Variants in MYO5A observed in about 807,000 individuals in gnomAD.
MYO5A encodes the protein myosin VA, also known as unconventional myosin-Va.
MYO5A carries 98 observed loss-of-function variants against 249.7 expected under a neutral mutation model. That is an observed-to-expected ratio of 0.39 (90% CI 0.33 to 0.46). MYO5A has a LOEUF of 0.46. MYO5A is among the 20% of genes least tolerant of loss of function. The pLI, the probability that MYO5A is intolerant of heterozygous loss-of-function variation, is 0.98. For missense variants in MYO5A, 1,696 were observed against 2,308.8 expected, an observed-to-expected ratio of 0.73 and a Z score of 5.44; for synonymous variants, 778 against 810.6, an observed-to-expected ratio of 0.96 and a Z score of 0.68.
At chr15:52,433,379 A>T in intron 1 of MYO5A, 94 bp from the exon 2 acceptor site, 1 of 661,570 alleles carries the variant, frequency 1.5e-6, no homozygotes, top group Non-Finnish European at 2.6e-6. Context: ...TAAACAATTT[A>T]TGAAAAAAGA....
At chr15:52,380,262 C>T (rs2041663594) in intron 16 of MYO5A, among the ~76,000 whole-genome samples, 1 of 152,118 alleles carries the variant, frequency 6.6e-6, no homozygotes, top group East Asian at 1.9e-4. Flanking sequence ...ATGGTGAAAC[C>T]CCGTCTCTAC....
At position 52,401,141 on chromosome 15, in the gene MYO5A, G is replaced by C. The variant is rs190379533; in HGVS notation, c.1054-3675C>G. 4.0e-5 allele frequency among the ~76,000 whole-genome samples: 6 copies of C among 148,176 alleles called. No individual in the cohort carries two copies. In the East Asian group the frequency reaches 5.9e-4, roughly 15 times the overall value. ...GCTGGAGTGCAGTGGCGCGATCTTG[G>C]CTCACTGTAACCTCCACCACCCAGG... On this transcript the variant is annotated intron_variant, in intron 9 of 41. Transcript: ENST00000399233.
At chr15:52,467,958 T>A (rs1454587052) in intron 1 of MYO5A, among the ~76,000 whole-genome samples, 1 of 152,122 alleles carries the variant, frequency 6.6e-6, no homozygotes, top group African/African-American at 2.4e-5. Flanking sequence ...AAACCTCACA[T>A]ATCAGCGAAT....
rs775268953 is a variant in MYO5A at position 52,340,409 on chromosome 15, C to A, written c.4041-15G>T. On this transcript the variant is annotated splice_polypyrimidine_tract_variant and intron_variant, in intron 31 of 41. Coordinates refer to ENST00000399233, the MANE Select transcript of MYO5A (RefSeq NM_001382347.1). ...ATTCCAGGAGCCTGCGGAGAGGACACATGGGTCGGAAGGGGAGACGACACC... is the reference window on the plus strand; with the variant it reads ...ATTCCAGGAGCCTGCGGAGAGGACAAATGGGTCGGAAGGGGAGACGACACC... 12 of 1,609,622 alleles carry A rather than the reference C, an allele frequency of 7.5e-6. No individual in the cohort carries two copies. In the Admixed American group the frequency reaches 8.3e-5, roughly 11 times the overall value.
In MYO5A at chr15:52,410,392, G is replaced by A. The variant is rs1232932761; in HGVS notation, c.697C>T (p.Arg233Ter). ...YIEIGFDKRYRIIGANMRTYL... is the reference protein window; with the variant it reads ...YIEIGFDKRY ...GTTCTCATATTGGCACCAATGATTC[G>A]ATATCTCTTATCAAAACCAATCTCA... The change falls in exon 6 of 42, where the codon CGA becomes TGA. Residue 233 changes from arginine (R) to a stop codon, truncating the protein, a stop_gained. Transcript: ENST00000399233. LOFTEE classifies it high-confidence loss of function. 1 of 1,613,290 alleles carries A rather than the reference G, an allele frequency of 6.2e-7. No individual in the cohort carries two copies. The highest frequency in any genetic ancestry group is 8.5e-7 in the Non-Finnish European group (1 of 1,179,396).
intron 8 of MYO5A, 143 bp downstream of exon 8, chr15:52,407,149 C>T: frequency 3.0e-6 from 2 of 675,406 alleles, no homozygotes; most frequent in South Asian, 3.3e-5. Context: ...TGCCCATTTG[C>T]TGTCTAAATG....
rs1456183705 is a variant in MYO5A, at chr15:52,327,893, A to G, written c.4669T>C (p.Leu1557=). 4 of 1,613,936 alleles carry G rather than the reference A, an allele frequency of 2.5e-6. No homozygotes were observed. Among genetic ancestry groups the G allele is most frequent in the Non-Finnish European group, 1.7e-6 (2 of 1,179,908 alleles). ...YLNDDQKVRS[L]LTSTINSIKK... ...ATGCTGTTAATTGTTGATGTTAGCA[A>G]CGACCTTACTTTCTGATCATCATTC... is the stretch of plus-strand genomic sequence containing the variant. The change falls in exon 36 of 42, where the codon TTG becomes CTG. Residue 1557 remains leucine (L), a synonymous_variant. Transcript: ENST00000399233.
At chr15:52,425,336 T>A (rs2075370935) in intron 4 of MYO5A, among the ~76,000 whole-genome samples, 1 of 149,114 alleles carries the variant, frequency 6.7e-6, no homozygotes, top group African/African-American at 2.5e-5. Flanking sequence ...TGTCCCTTTA[T>A]AAATGTGAGG....
intron 1 of MYO5A, among the ~76,000 whole-genome samples, chr15:52,507,737 G>A (rs562962687): frequency 2.1e-4 from 31 of 146,928 alleles, no homozygotes; most frequent in East Asian, 8.1e-4. Flanking sequence ...CTGAGAGGTC[G>A]AGGCTGCAGT....
rs1195603232 is a variant in MYO5A at position 52,351,369 on chromosome 15, T to C, written c.3734A>G (p.Tyr1245Cys). 1 of 1,614,090 alleles carries C rather than the reference T, an allele frequency of 6.2e-7. No homozygotes were observed. The highest frequency in any genetic ancestry group is 2.2e-5 in the East Asian group (1 of 44,904). ...GGTCAGCTGCTCCATGAGGACACGG[T>C]AGGCAGGTGCACCTGGGGCGGTCAC... is the stretch of plus-strand genomic sequence containing the variant. ...PEVTAPGAPA[Y>C]RVLMEQLTSV... is the part of the protein sequence containing the mutation. Residue 1245 changes from tyrosine (Y) to cysteine (C), a missense_variant, in exon 28 of 42, where the codon TAC (tyrosine) becomes TGC (cysteine). Coordinates refer to ENST00000399233, the MANE Select transcript of MYO5A (RefSeq NM_001382347.1).
intron 11 of MYO5A, 141 bp downstream of exon 11, chr15:52,396,175 C>A: frequency 3.1e-6 from 2 of 635,482 alleles, no homozygotes; most frequent in East Asian, 5.7e-5. Context: ...TAATGTTGTA[C>A]CATTCATTAA....
chr15:52,434,432 A>T (rs1476298960), intron 1 of MYO5A, among the ~76,000 whole-genome samples: 1 of 152,224 alleles, frequency 6.6e-6, no homozygotes, highest in African/African-American at 2.4e-5. Context: ...AAAACTGAAG[A>T]AACACGGTTG....
intron 2 of MYO5A, among the ~76,000 whole-genome samples, chr15:52,432,034 C>T (rs1333456202): frequency 6.6e-6 from 1 of 151,850 alleles, no homozygotes; most frequent in East Asian, 1.9e-4. Flanking sequence ...ATGACCAAAG[C>T]TGGAACAATT....
chr15:52,501,895 A>G (rs1323107955), intron 1 of MYO5A, among the ~76,000 whole-genome samples: 3 of 151,660 alleles, frequency 2.0e-5, no homozygotes, highest in African/African-American at 4.8e-5. Flanking sequence ...ACACACACAC[A>G]CACACACACA....
intron 1 of MYO5A, among the ~76,000 whole-genome samples, chr15:52,502,739 A>G (rs752758297): frequency 2.0e-5 from 3 of 152,212 alleles, no homozygotes; most frequent in Non-Finnish European, 4.4e-5. Context: ...GCCATTAGTA[A>G]ATAACATTTT....
chr15:52,347,960 A>C (rs1045143972), intron 29 of MYO5A, among the ~76,000 whole-genome samples: 1 of 152,242 alleles, frequency 6.6e-6, no homozygotes, highest in Non-Finnish European at 1.5e-5. Flanking sequence ...AAGTGTTTAC[A>C]TCAAATAATG....
intron 2 of MYO5A, 109 bp from the exon 3 acceptor site, chr15:52,428,678 T>C: frequency 8.7e-7 from 1 of 1,145,116 alleles, no homozygotes; most frequent in Non-Finnish European, 1.3e-6. Flanking sequence ...AGCTATTAAA[T>C]GCATTATTTT....
chr15:52,348,490 C>T (rs531657166), intron 29 of MYO5A, among the ~76,000 whole-genome samples: 1 of 152,246 alleles, frequency 6.6e-6, no homozygotes, highest in African/African-American at 2.4e-5. Flanking sequence ...CTCAGGAGAG[C>T]CTGTGCTTTT....
At chr15:52,393,519 G>A (rs1276324989) in intron 11 of MYO5A, among the ~76,000 whole-genome samples, 1 of 151,948 alleles carries the variant, frequency 6.6e-6, no homozygotes, top group African/African-American at 2.4e-5. Flanking sequence ...TCAGCCTCCT[G>A]AGTAGCTGGG....
Sources: gnomAD v4.1 joint callset for allele counts (sites outside exome capture counted in the v4.1 genomes callset) on GRCh38, gnomAD v4.1.1 for gene constraint, MANE v1.5 for transcripts, NCBI Gene and HGNC (gene_info 2026-07-23, HGNC 2026-07-21) for gene names.